SBDS: variants seen among roughly 807,000 people sequenced by gnomAD.
The protein encoded by SBDS is ribosome maturation protein SBDS.
A neutral mutation model predicts 26.4 loss-of-function variants in SBDS; 20 were observed. The observed-to-expected ratio is 0.76, with a 90% CI of 0.53 to 1.10. The LOEUF is 1.10. Ranked by LOEUF, SBDS falls within the 50% of genes least tolerant of loss-of-function variation. SBDS has a pLI of 0.00. For missense variants in SBDS, 241 were observed against 302.0 expected (o/e 0.80, Z 1.50); for synonymous variants, 95 against 105.1 (o/e 0.90, Z 0.59).
At chr7:66,993,838 C>T (rs1793027221) in intron 2 of SBDS, among the ~76,000 whole-genome samples, 2 of 151,570 alleles carry the variant, frequency 1.3e-5, no homozygotes, top group Admixed American at 1.3e-4. Flanking sequence ...CAGTGAAGTG[C>T]ACTGCACTCC....
chr7:66,990,316 C>CCAGGATT (rs1251329227), intron 4 of SBDS, among the ~76,000 whole-genome samples: 4 of 152,156 alleles, frequency 2.6e-5, no homozygotes, highest in African/African-American at 4.8e-5. Flanking sequence ...CCGCGCCCAG[C>CCAGGATT]CAGGATTCAA....
chr7:66,987,771 A>G lies in SBDS; in HGVS notation c.*600T>C, dbSNP rs1792898670. 5.6e-6 allele frequency: 1 copy of G among 177,198 alleles called. No homozygotes were observed. The highest frequency in any genetic ancestry group is 2.4e-5 in the African/African-American group (1 of 42,210). The allele number at this position is 177,198 out of a possible 1,614,324, so 11.0% of individuals were successfully genotyped here. A position where few individuals can be genotyped will look rare whatever the true frequency, so the allele number is the denominator to read the frequency against. On this transcript the variant is annotated 3_prime_UTR_variant, in exon 5 of 5. Transcript: ENST00000246868. The stretch of plus-strand genomic sequence containing the variant: ...TATATTAATATATATTATAAACTTT[A>G]AGAATTAGAAATAAGTGACTTTTAT...
rs776303630 is a variant in SBDS at position 66,995,307 on chromosome 7, G to A, written c.111C>T (p.Val37=). The change falls in exon 1 of 5, where the codon GTC becomes GTT. Residue 37 remains valine (V), a synonymous_variant. Coordinates refer to ENST00000246868, the MANE Select transcript of SBDS (RefSeq NM_016038.4). ...CTACTCACACGCCGCTCCGCCAGCC[G>A]ACGACCTTGTTTTTGTAGCAGGCGA... ...FEIACYKNKV[V]GWRSGVEKDL... is the part of the protein sequence containing the mutation. 5 of 1,614,008 alleles carry A rather than the reference G, an allele frequency of 3.1e-6. No individual in the cohort carries two copies. Among genetic ancestry groups the A allele is most frequent in the Admixed American group, 3.3e-5 (2 of 60,024 alleles).
chr7:66,990,096 C>G (rs1390326104), intron 4 of SBDS, among the ~76,000 whole-genome samples: 1 of 151,918 alleles, frequency 6.6e-6, no homozygotes, highest in South Asian at 2.1e-4. Context: ...CTTGGCTCAC[C>G]GCAACCTCTG....
At chr7:66,991,086 G>A (rs1309222115) in intron 4 of SBDS, 51 bp downstream of exon 4, 2 of 1,407,216 alleles carry the variant, frequency 1.4e-6, no homozygotes, top group Non-Finnish European at 2.0e-6. Context: ...TTTATTACTA[G>A]AGAATACAAT....
At chr7:66,993,656 C>T (rs1186900657) in intron 2 of SBDS, among the ~76,000 whole-genome samples, 1 of 151,980 alleles carries the variant, frequency 6.6e-6, no homozygotes, top group Non-Finnish European at 1.5e-5. Flanking sequence ...GGCATATCAC[C>T]CAAGGTCAGG....
chr7:66,991,443 A>G, intron 3 of SBDS, 142 bp from the exon 4 acceptor site: 1 of 711,910 alleles, frequency 1.4e-6, no homozygotes, highest in African/African-American at 1.8e-5. Context: ...CGTTAAAAAA[A>G]AAATAGAAAA....
At position 66,988,082 on chromosome 7, in the gene SBDS, C is replaced by G. The variant is rs1469644044; in HGVS notation, c.*289G>C. Reference sequence around the variant, plus strand: ...CACAAGAGCTGCCTCAAGTAACTTTCATTTTGGAAAGCTATCAAGGCATGA... The same window carrying G: ...CACAAGAGCTGCCTCAAGTAACTTTGATTTTGGAAAGCTATCAAGGCATGA... On this transcript the variant is annotated 3_prime_UTR_variant, in exon 5 of 5. Transcript: ENST00000246868. 1.1e-5 allele frequency: 5 copies of G among 435,456 alleles called. No homozygotes were observed. Among genetic ancestry groups the G allele is most frequent in the Non-Finnish European group, 2.1e-5 (5 of 234,728 alleles). 27.0% of individuals were successfully genotyped at this position (435,456 alleles called of 1,614,324 possible).
In SBDS at chr7:66,988,217, A is replaced by G. The variant is rs1331526678; in HGVS notation, c.*154T>C. The G allele has an allele frequency of 1.4e-5, 11 of 780,472 alleles. No individual in the cohort carries two copies. The highest frequency in any genetic ancestry group is 2.1e-5 in the Non-Finnish European group (10 of 480,614). 48.3% of individuals were successfully genotyped at this position (780,472 alleles called of 1,614,324 possible). On this transcript the variant is annotated 3_prime_UTR_variant, in exon 5 of 5. Transcript: ENST00000246868. ...AACCAAATCATTCCCACATTATTAT[A>G]CTTATGTAGGAAAGCCTTGCTGTGT...
In SBDS at chr7:66,987,889, G is replaced by A. The variant is rs1792901036; in HGVS notation, c.*482C>T. On this transcript the variant is annotated 3_prime_UTR_variant, in exon 5 of 5. Coordinates refer to ENST00000246868, the MANE Select transcript of SBDS (RefSeq NM_016038.4). ...CTATATCTGTTTCTCAGATAATCAG[G>A]AACATCATCCAAGCTTTACATTACG... 1 of 208,664 alleles carries A rather than the reference G, an allele frequency of 4.8e-6. No individual in the cohort carries two copies. Among genetic ancestry groups the A allele is most frequent in the Non-Finnish European group, 9.8e-6 (1 of 102,500 alleles). The allele number at this position is 208,664 out of a possible 1,614,324, so 12.9% of individuals were successfully genotyped here. A position where few individuals can be genotyped will look rare whatever the true frequency, so the allele number is the denominator to read the frequency against.
Position 66,988,464 on chromosome 7 carries a change from A to C in SBDS, c.660T>G (p.Ile220Met). The change falls in exon 5 of 5, where the codon ATT becomes ATG. Residue 220 changes from isoleucine (I) to methionine (M), a missense_variant. Transcript: ENST00000246868. ...TAGTTTCCTTTTTTATTAGCTCATCAATTTCTCGGAAGCAGCCCGGGTCAA... is the reference window on the plus strand; with the variant it reads ...TAGTTTCCTTTTTTATTAGCTCATCCATTTCTCGGAAGCAGCCCGGGTCAA... ...CLIDPGCFRE[I>M]DELIKKETKG... 6.2e-7 allele frequency: 1 copy of C among 1,613,866 alleles called. No individual in the cohort carries two copies. Among genetic ancestry groups the C allele is most frequent in the Non-Finnish European group, 8.5e-7 (1 of 1,180,004 alleles).
At chr7:66,994,470 T>C in intron 1 of SBDS, 129 bp from the exon 2 acceptor site, 6 of 865,670 alleles carry the variant, frequency 6.9e-6, no homozygotes, top group Middle Eastern at 3.0e-4. Context: ...ACCTTTAGTG[T>C]AGAGGGCAGT....
At chr7:66,990,147 G>A (rs1792944635) in intron 4 of SBDS, among the ~76,000 whole-genome samples, 1 of 151,956 alleles carries the variant, frequency 6.6e-6, no homozygotes, top group Non-Finnish European at 1.5e-5. Flanking sequence ...AGCCTCCCGA[G>A]TAGCTGGGAT....
intron 2 of SBDS, 106 bp downstream of exon 2, chr7:66,994,106 T>G (rs1584437421): frequency 1.8e-6 from 2 of 1,098,648 alleles, no homozygotes; most frequent in East Asian, 4.7e-5. Context: ...TTCACATTAT[T>G]GCTTGGTTAG....
chr7:66,995,018 C>T (rs1179622420), intron 1 of SBDS, among the ~76,000 whole-genome samples: 3 of 152,208 alleles, frequency 2.0e-5, no homozygotes, highest in African/African-American at 7.2e-5. Flanking sequence ...AAAAGGACCA[C>T]AATTACGAGA....
chr7:66,993,032 A>G (rs886688018), intron 3 of SBDS, among the ~76,000 whole-genome samples, 185 bp downstream of exon 3: 7 of 151,438 alleles, frequency 4.6e-5, no homozygotes, highest in Non-Finnish European at 1.0e-4. Flanking sequence ...AAATTTAGAG[A>G]TGGGGCGTCC....
At chr7:66,991,520 T>C (rs1288494411) in intron 3 of SBDS, among the ~76,000 whole-genome samples, 1 of 152,006 alleles carries the variant, frequency 6.6e-6, no homozygotes, top group Non-Finnish European at 1.5e-5. Flanking sequence ...AGGCCAGGTG[T>C]GGTGGCTCAC....
intron 4 of SBDS, among the ~76,000 whole-genome samples, chr7:66,990,756 C>G (rs1208735931): frequency 1.3e-5 from 2 of 152,170 alleles, no homozygotes; most frequent in South Asian, 4.1e-4. Flanking sequence ...GTGGCTCACG[C>G]CTGTAATCCC....
chr7:66,994,006 C>A (rs1584437312), intron 2 of SBDS, among the ~76,000 whole-genome samples: 1 of 130,986 alleles, frequency 7.6e-6, no homozygotes. Context: ...AATCTGATTT[C>A]AGGAGGTTTT....
Sources: allele counts gnomAD v4.1 joint callset (sites outside exome capture counted in the v4.1 genomes callset), GRCh38; gene constraint gnomAD v4.1.1; transcripts MANE v1.5; gene names NCBI Gene and HGNC (gene_info 2026-07-23, HGNC 2026-07-21).